LY75: variants seen among roughly 807,000 people sequenced by gnomAD.
The protein encoded by LY75 is C-type lectin domain family 13 member B.
Under a neutral mutation model 231.7 loss-of-function variants are expected in LY75, and 185 were observed. The observed-to-expected ratio is 0.80, with a 90% confidence interval of 0.71 to 0.90. The LOEUF is 0.90. LY75 is among the 40% of genes least tolerant of loss of function. LY75 has a pLI of 0.00. For synonymous variants in LY75, 668 were observed against 689.0 expected (o/e 0.97, Z 0.48); for missense variants, 1,947 against 2,050.2 (o/e 0.95, Z 0.97).
Position 159,853,299 on chromosome 2 carries a change from T to C in LY75, c.2717A>G (p.Tyr906Cys). 1 of 1,613,472 alleles carries C rather than the reference T, an allele frequency of 6.2e-7. No individual in the cohort carries two copies. Among genetic ancestry groups the C allele is most frequent in the Non-Finnish European group, 8.5e-7 (1 of 1,179,544 alleles). ...FPVTFGEECL[Y>C]MSAKTWLIDL... Reference sequence around the variant, plus strand: ...GATAAGCCAAGTCTTGGCAGACATGTACAAGCATTCCTCTCCAAATGTCAC... The same window carrying C: ...GATAAGCCAAGTCTTGGCAGACATGCACAAGCATTCCTCTCCAAATGTCAC... Residue 906 changes from tyrosine (Y) to cysteine (C), a missense_variant, in exon 20 of 35, where the codon TAC (tyrosine) becomes TGC (cysteine). Tyr to Cys is a radical substitution (Grantham distance 194). Coordinates refer to ENST00000263636, the MANE Select transcript of LY75 (RefSeq NM_002349.4).
chr2:159,864,862 A>G lies in LY75; in HGVS notation c.2176T>C (p.Trp726Arg). Reference protein sequence around the residue: ...NKRSPDLQGSWQWSDRTPVST... With the variant: ...NKRSPDLQGSRQWSDRTPVST... ...ACTGGTGTACGATCACTCCATTGCC[A>G]GGATCCTTGTAAATCTGGGCTCCTT... is the stretch of plus-strand genomic sequence containing the variant. Residue 726 changes from tryptophan (W) to arginine (R), a missense_variant, in exon 14 of 35, where the codon TGG (tryptophan) becomes CGG (arginine). Physicochemically the swap from Trp to Arg is moderately radical, Grantham distance 101. Transcript: ENST00000263636. 1 of 1,604,580 alleles carries G rather than the reference A, an allele frequency of 6.2e-7. No homozygotes were observed. The highest frequency in any genetic ancestry group is 8.5e-7 in the Non-Finnish European group (1 of 1,175,528).
rs1685454360 is a variant in LY75 at position 159,882,106 on chromosome 2, G to A, written c.1246+18C>T. ...AAATGGCTTAAGCCTCTCAAATAGG[G>A]TATTTTTAAAAACTTACCCTCATTA... On this transcript the variant is annotated intron_variant, in intron 7 of 34. Coordinates refer to ENST00000263636, the MANE Select transcript of LY75 (RefSeq NM_002349.4). The A allele has an allele frequency of 3.1e-6, 5 of 1,604,770 alleles. No individual in the cohort carries two copies. In the East Asian group the frequency reaches 1.1e-4, roughly 36 times the overall value.
intron 12 of LY75, among the ~76,000 whole-genome samples, chr2:159,874,194 A>ATATATT (rs1394450515): frequency 1.5e-4 from 11 of 71,286 alleles, no homozygotes; most frequent in East Asian, 4.1e-4. Flanking sequence ...ATATAAATAT[A>ATATATT]TTGTAAATAT....
At chr2:159,810,311 C>T (rs1452489149) in intron 32 of LY75, among the ~76,000 whole-genome samples, 3 of 152,136 alleles carry the variant, frequency 2.0e-5, no homozygotes, top group South Asian at 2.1e-4. Flanking sequence ...GGATTACAGG[C>T]GTTTTTAATG....
chr2:159,855,039 G>A, intron 16 of LY75, 100 bp from the exon 17 acceptor site: 2 of 1,481,088 alleles, frequency 1.4e-6, no homozygotes, highest in Non-Finnish European at 9.3e-7. Flanking sequence ...TTGCAGTATT[G>A]TTGAGTCTTG....
At chr2:159,831,293 C>G (rs967697299) in intron 28 of LY75, among the ~76,000 whole-genome samples, 6 of 152,170 alleles carry the variant, frequency 3.9e-5, no homozygotes, top group Non-Finnish European at 5.9e-5. Context: ...CATAGTAAAA[C>G]CTGCTTGTTT....
chr2:159,832,185 G>A (rs984353642), intron 27 of LY75, among the ~76,000 whole-genome samples: 1 of 152,028 alleles, frequency 6.6e-6, no homozygotes. Context: ...CCAACCCCCG[G>A]GCCACACACT....
At chr2:159,814,509 G>C (rs1301165532) in intron 31 of LY75, among the ~76,000 whole-genome samples, 1 of 151,932 alleles carries the variant, frequency 6.6e-6, no homozygotes, top group Non-Finnish European at 1.5e-5. Flanking sequence ...TTAAATATTA[G>C]CTGGGTGTGG....
chr2:159,871,086 C>T (rs1685000691), intron 13 of LY75, among the ~76,000 whole-genome samples: 2 of 152,144 alleles, frequency 1.3e-5, no homozygotes, highest in South Asian at 2.1e-4. Context: ...CTTAACAATG[C>T]TTCATCATTA....
At chr2:159,832,646 A>G (rs956830445) in intron 27 of LY75, among the ~76,000 whole-genome samples, 2 of 152,264 alleles carry the variant, frequency 1.3e-5, no homozygotes, top group African/African-American at 4.8e-5. Context: ...TGGTTTAAAC[A>G]AAATTAAACT....
chr2:159,855,116 A>C (rs1684511762), intron 16 of LY75, among the ~76,000 whole-genome samples, 177 bp from the exon 17 acceptor site: 1 of 152,208 alleles, frequency 6.6e-6, no homozygotes, highest in African/African-American at 2.4e-5. Context: ...CCGATGCTAA[A>C]CCTGCTTCAG....
chr2:159,869,707 A>C (rs940501939), intron 13 of LY75, among the ~76,000 whole-genome samples: 1 of 152,220 alleles, frequency 6.6e-6, no homozygotes, highest in Non-Finnish European at 1.5e-5. Flanking sequence ...ATCTGCTTCA[A>C]GTAAATCTGT....
rs539440429 is a variant in LY75, at chr2:159,809,958, G to A, written c.4699+568C>T. Among the ~76,000 whole-genome samples, 18 of 152,142 alleles carry A rather than the reference G, an allele frequency of 1.2e-4. No homozygotes were observed. The South Asian group carries it at 3.5e-3, about 30-fold the overall frequency. The stretch of plus-strand genomic sequence containing the variant: ...CTCCCAAAGTGCTGGGATTATAGGC[G>A]TGAGCCACCGCACCCAGCCACCACT... On this transcript the variant is annotated intron_variant, in intron 32 of 34. Coordinates refer to ENST00000263636, the MANE Select transcript of LY75 (RefSeq NM_002349.4).
At chr2:159,888,233 G>T (rs1247968195) in intron 4 of LY75, among the ~76,000 whole-genome samples, 1 of 152,174 alleles carries the variant, frequency 6.6e-6, no homozygotes, top group Non-Finnish European at 1.5e-5. Context: ...TAACAAAAAA[G>T]CTGGGCATGA....
intron 21 of LY75, among the ~76,000 whole-genome samples, chr2:159,851,794 T>C (rs1366693203): frequency 6.6e-6 from 1 of 152,206 alleles, no homozygotes; most frequent in Non-Finnish European, 1.5e-5. Context: ...AAAAGTAGTT[T>C]GTGAAATGCT....
chr2:159,894,082 T>A lies in LY75; in HGVS notation c.469A>T (p.Ile157Phe), dbSNP rs1202865997. 4 of 1,597,194 alleles carry A rather than the reference T, an allele frequency of 2.5e-6. No homozygotes were observed. In the South Asian group the frequency reaches 3.4e-5, roughly 14 times the overall value. ...TAAGAGTTCCCATCTCTGGTATAGA[T>A]CTCTGGGTTGGAGAGGAAGTTGGGG... Reference protein sequence around the residue: ...ESLCDQPYHEIYTRDGNSYGR... With the variant: ...ESLCDQPYHEFYTRDGNSYGR... The change falls in exon 3 of 35, where the codon ATC becomes TTC. Residue 157 changes from isoleucine to phenylalanine, a missense_variant and splice_region_variant. Physicochemically the swap from Ile to Phe is conservative, Grantham distance 21 (BLOSUM62 0). Transcript: ENST00000263636.
chr2:159,885,909 C>A (rs149472245), intron 5 of LY75, among the ~76,000 whole-genome samples: 1 of 152,088 alleles, frequency 6.6e-6, no homozygotes, highest in Non-Finnish European at 1.5e-5. Context: ...GGGAAGAATG[C>A]TTTTTGGCTA....
chr2:159,830,723 AG>A (rs1186129871), intron 28 of LY75, among the ~76,000 whole-genome samples: 1 of 151,438 alleles, frequency 6.6e-6, no homozygotes, highest in East Asian at 2.0e-4. Context: ...CCAAGTAACT[AG>A]GCACACGTCA....
rs574620442 is a variant in LY75 at position 159,879,042 on chromosome 2, T to C, written c.1515+217A>G. ...GTAAAGACATCAGCCTTGAGGATAGTAATTCTACAAATATTTATAGAAATT... is the reference window on the plus strand; with the variant it reads ...GTAAAGACATCAGCCTTGAGGATAGCAATTCTACAAATATTTATAGAAATT... On this transcript the variant is annotated intron_variant, in intron 9 of 34. Coordinates refer to ENST00000263636, the MANE Select transcript of LY75 (RefSeq NM_002349.4). 2.0e-5 allele frequency among the ~76,000 whole-genome samples: 3 copies of C among 152,358 alleles called. No homozygotes were observed. In the South Asian group the frequency reaches 6.2e-4, roughly 32 times the overall value.
Sources: allele counts gnomAD v4.1 joint callset (sites outside exome capture counted in the v4.1 genomes callset), GRCh38; gene constraint gnomAD v4.1.1; transcripts MANE v1.5; gene names NCBI Gene and HGNC (gene_info 2026-07-23, HGNC 2026-07-21).